Variants in ARPC2 observed in about 807,000 individuals in gnomAD.
ARPC2 encodes actin-related protein 2/3 complex subunit 2.
Under a neutral mutation model 38.6 loss-of-function variants are expected in ARPC2, and 4 were observed. The ratio of observed to expected loss-of-function variants is 0.10; its 90% CI spans 0.05 to 0.24. ARPC2 has a LOEUF of 0.24. ARPC2 is among the 10% of genes least tolerant of loss of function. The probability of loss-of-function intolerance (pLI) is 1.00; values close to 1 mark genes in which losing one functional copy is unlikely to be tolerated. For synonymous variants in ARPC2, 125 were observed against 140.8 expected, an observed-to-expected ratio of 0.89 and a Z score of 0.79; for missense variants, 229 against 387.3, an observed-to-expected ratio of 0.59 and a Z score of 3.43.
intron 2 of ARPC2, among the ~76,000 whole-genome samples, chr2:218,225,398 GAAGA>G (rs1689473177): frequency 6.6e-6 from 1 of 152,306 alleles, no homozygotes; most frequent in East Asian, 1.9e-4. Flanking sequence ...TGATGTAAAG[GAAGA>G]AAGAAAGATG....
At chr2:218,252,531 G>A (rs781126637) in intron 10 of ARPC2, among the ~76,000 whole-genome samples, 1 of 152,154 alleles carries the variant, frequency 6.6e-6, no homozygotes, top group Non-Finnish European at 1.5e-5. Context: ...TGGAGTGTGA[G>A]GCAGTGAATT....
At chr2:218,225,150 C>T (rs1381336840) in intron 2 of ARPC2, among the ~76,000 whole-genome samples, 1 of 152,028 alleles carries the variant, frequency 6.6e-6, no homozygotes, top group Non-Finnish European at 1.5e-5. Flanking sequence ...CATTTTTATT[C>T]CCCCATTTTA....
chr2:218,224,771 G>C (rs918392281), intron 2 of ARPC2, among the ~76,000 whole-genome samples: 5 of 152,206 alleles, frequency 3.3e-5, no homozygotes, highest in African/African-American at 9.7e-5. Flanking sequence ...GGGCTAGCAT[G>C]CTTCATAGAA....
chr2:218,218,172 A>G (rs1003421309), intron 2 of ARPC2, among the ~76,000 whole-genome samples: 6 of 149,980 alleles, frequency 4.0e-5, no homozygotes, highest in African/African-American at 1.5e-4. Flanking sequence ...AGCAAAGCCA[A>G]TTGTCCCTCG....
chr2:218,234,854 TA>T (rs1266713071), intron 5 of ARPC2: 1 of 456,958 alleles, frequency 2.2e-6, no homozygotes, highest in African/African-American at 2.0e-5. Flanking sequence ...TCCAGTCTTC[TA>T]ATAGGTTGTC....
chr2:218,247,273 C>T (rs1489058455), intron 8 of ARPC2, among the ~76,000 whole-genome samples: 1 of 152,212 alleles, frequency 6.6e-6, no homozygotes, highest in Non-Finnish European at 1.5e-5. Context: ...TTCAGGTCTT[C>T]CTTCAGTTGC....
intron 2 of ARPC2, among the ~76,000 whole-genome samples, chr2:218,219,065 A>AT (rs1016939972): frequency 6.6e-6 from 1 of 152,192 alleles, no homozygotes; most frequent in African/African-American, 2.4e-5. Flanking sequence ...TTCATAACTG[A>AT]TCTTAATGCA....
intron 2 of ARPC2, among the ~76,000 whole-genome samples, chr2:218,218,430 A>G (rs1246431633): frequency 6.6e-6 from 1 of 152,264 alleles, no homozygotes; most frequent in East Asian, 1.9e-4. Context: ...CCTCTCTGCC[A>G]AACACAAGAA....
At chr2:218,237,507 C>T (rs1689802066) in intron 5 of ARPC2, among the ~76,000 whole-genome samples, 1 of 150,806 alleles carries the variant, frequency 6.6e-6, no homozygotes, top group South Asian at 2.1e-4. Flanking sequence ...ACCACCCTAC[C>T]TGCCCCCCAC....
intron 9 of ARPC2, 98 bp downstream of exon 9, chr2:218,249,562 A>G: frequency 2.1e-6 from 2 of 969,640 alleles, no homozygotes; most frequent in African/African-American, 1.6e-5. Flanking sequence ...CGCTGTGGAT[A>G]TTGACTCTTA....
intron 2 of ARPC2, among the ~76,000 whole-genome samples, chr2:218,220,312 C>G (rs905396433): frequency 1.3e-5 from 2 of 152,204 alleles, no homozygotes; most frequent in Non-Finnish European, 2.9e-5. Flanking sequence ...CAGAGTGCAT[C>G]TTCCATCTCT....
chr2:218,240,721 C>G (rs1339529220), intron 7 of ARPC2, among the ~76,000 whole-genome samples: 1 of 126,884 alleles, frequency 7.9e-6, no homozygotes, highest in African/African-American at 2.5e-5. Context: ...GAAACCCCGT[C>G]TCTACTAAAA....
chr2:218,253,509 A>G (rs1690243944), intron 10 of ARPC2, among the ~76,000 whole-genome samples: 1 of 152,202 alleles, frequency 6.6e-6, no homozygotes, highest in Non-Finnish European at 1.5e-5. Flanking sequence ...AGAGGTATAC[A>G]CTGTGTAGGA....
chr2:218,228,494 C>G (rs944155486), intron 3 of ARPC2, among the ~76,000 whole-genome samples: 3 of 151,992 alleles, frequency 2.0e-5, no homozygotes, highest in African/African-American at 7.2e-5. Flanking sequence ...CCAATTATTT[C>G]AGCACCAAGC....
chr2:218,222,568 A>G (rs569643196), intron 2 of ARPC2, among the ~76,000 whole-genome samples: 1 of 152,330 alleles, frequency 6.6e-6, no homozygotes, highest in South Asian at 2.1e-4. Flanking sequence ...CAGACATTAC[A>G]GCAGTCTGAC....
chr2:218,247,574 G>C (rs1202574096), intron 8 of ARPC2, among the ~76,000 whole-genome samples: 2 of 151,922 alleles, frequency 1.3e-5, no homozygotes, highest in Non-Finnish European at 2.9e-5. Context: ...AACAATTCTC[G>C]TGCCTCAGCT....
At chr2:218,248,240 C>T (rs1463146730) in intron 8 of ARPC2, among the ~76,000 whole-genome samples, 1 of 152,338 alleles carries the variant, frequency 6.6e-6, no homozygotes, top group Middle Eastern at 3.4e-3. Context: ...GTATAGTTGT[C>T]TTCTGTTGTG....
chr2:218,218,535 G>A (rs1689312627), intron 2 of ARPC2, among the ~76,000 whole-genome samples: 1 of 152,194 alleles, frequency 6.6e-6, no homozygotes, highest in Non-Finnish European at 1.5e-5. Context: ...AATTTTTGGT[G>A]GCCTGTGGCC....
intron 7 of ARPC2, among the ~76,000 whole-genome samples, chr2:218,245,083 C>A (rs1439776875): frequency 6.6e-6 from 1 of 152,158 alleles, no homozygotes; most frequent in Non-Finnish European, 1.5e-5. Context: ...GCAACAGGAT[C>A]CTCAGTGAAA....
Sources: allele counts gnomAD v4.1 joint callset (sites outside exome capture counted in the v4.1 genomes callset), GRCh38; gene constraint gnomAD v4.1.1; transcripts MANE v1.5; gene names NCBI Gene and HGNC (gene_info 2026-07-23, HGNC 2026-07-21).